Variants in SLC44A5 observed in about 807,000 individuals in gnomAD.
The protein encoded by SLC44A5 is solute carrier family 44 member 5, also known as choline transporter-like protein 5.
A neutral mutation model predicts 101.8 loss-of-function variants in SLC44A5; 57 were observed. The observed-to-expected ratio is 0.56, with a 90% CI of 0.45 to 0.70. The LOEUF (loss-of-function observed/expected upper bound fraction) is 0.70. SLC44A5 is among the 30% of genes least tolerant of loss of function. SLC44A5 has a pLI of 0.00. For synonymous variants in SLC44A5, 281 were observed against 290.9 expected (o/e 0.97, Z 0.35); for missense variants, 737 against 853.1 (o/e 0.86, Z 1.70).
chr1:75,540,660 A>G (rs1376206523), intron 2 of SLC44A5, among the ~76,000 whole-genome samples: 1 of 152,178 alleles, frequency 6.6e-6, no homozygotes, highest in African/African-American at 2.4e-5. Flanking sequence ...ACTTTAAGCT[A>G]TACATTCTGT....
intron 1 of SLC44A5, among the ~76,000 whole-genome samples, chr1:75,587,284 C>T (rs566693618): frequency 2.0e-5 from 3 of 152,176 alleles, no homozygotes; most frequent in African/African-American, 7.2e-5. Flanking sequence ...CAAAATTTGG[C>T]CTTAAATAAA....
intron 2 of SLC44A5, among the ~76,000 whole-genome samples, chr1:75,451,807 A>T (rs6673819): frequency 0.24 from 36,248 of 151,878 alleles, 4,453 homozygotes; most frequent in African/African-American, 0.28. Context: ...AAATTTTTTT[A>T]AAAAAAATTT....
the SLC44A5 span, among the ~76,000 whole-genome samples, chr1:75,617,207 G>A: frequency 6.6e-6 from 1 of 152,064 alleles, no homozygotes; most frequent in Non-Finnish European, 1.5e-5. Context: ...GATTGCCGCC[G>A]AAACGCACTT....
chr1:75,424,132 G>A (rs1052628297), intron 2 of SLC44A5, among the ~76,000 whole-genome samples: 4 of 152,132 alleles, frequency 2.6e-5, no homozygotes, highest in Non-Finnish European at 4.4e-5. Flanking sequence ...AGCCTGCAGA[G>A]GCTTTTGTTT....
At chr1:75,415,455 A>G (rs1663579136) in intron 2 of SLC44A5, among the ~76,000 whole-genome samples, 1 of 152,190 alleles carries the variant, frequency 6.6e-6, no homozygotes, top group Admixed American at 6.5e-5. Context: ...TCAAACCTCC[A>G]TGTTTTGTAA....
intron 2 of SLC44A5, among the ~76,000 whole-genome samples, chr1:75,433,955 A>T (rs1035904733): frequency 6.6e-6 from 1 of 152,098 alleles, no homozygotes; most frequent in Non-Finnish European, 1.5e-5. Context: ...ATCAGCTCTC[A>T]TGAGACTTAT....
the SLC44A5 span, chr1:75,709,859 C>T: frequency 6.6e-6 from 1 of 152,106 alleles, no homozygotes; most frequent in Admixed American, 6.5e-5. Flanking sequence ...TTGTAATACT[C>T]ATAAACTAGA....
At chr1:75,526,684 C>G (rs1029441475) in intron 2 of SLC44A5, among the ~76,000 whole-genome samples, 2 of 152,234 alleles carry the variant, frequency 1.3e-5, no homozygotes, top group Non-Finnish European at 2.9e-5. Flanking sequence ...CCAGTTTACC[C>G]TTTCTTTGAA....
At chr1:75,272,350 G>A (rs1348085197) in intron 6 of SLC44A5, among the ~76,000 whole-genome samples, 2 of 143,272 alleles carry the variant, frequency 1.4e-5, no homozygotes, top group Non-Finnish European at 3.0e-5. Flanking sequence ...TTTTAGACTT[G>A]TAATATTTTA....
intron 2 of SLC44A5, among the ~76,000 whole-genome samples, chr1:75,482,643 C>G (rs890194111): frequency 6.6e-6 from 1 of 152,250 alleles, no homozygotes; most frequent in South Asian, 2.1e-4. Context: ...ATATCAGGAA[C>G]ATGAGTCTAA....
intron 3 of SLC44A5, among the ~76,000 whole-genome samples, chr1:75,392,182 A>T (rs938799468): frequency 6.6e-6 from 1 of 152,130 alleles, no homozygotes; most frequent in Non-Finnish European, 1.5e-5. Flanking sequence ...GACCTAATTA[A>T]ACTGAAGAGC....
the SLC44A5 span, among the ~76,000 whole-genome samples, chr1:75,643,012 T>A: frequency 6.6e-6 from 1 of 152,174 alleles, no homozygotes; most frequent in Non-Finnish European, 1.5e-5. Context: ...TGAAAAATGT[T>A]GGCATATTAT....
At chr1:75,685,577 C>G in the SLC44A5 span, among the ~76,000 whole-genome samples, 37 of 152,280 alleles carry the variant, frequency 2.4e-4, no homozygotes, top group Admixed American at 2.6e-4. Flanking sequence ...ACTTCATGGT[C>G]CATATCACTG....
At chr1:75,437,650 A>C (rs1664966632) in intron 2 of SLC44A5, among the ~76,000 whole-genome samples, 1 of 152,158 alleles carries the variant, frequency 6.6e-6, no homozygotes, top group African/African-American at 2.4e-5. Flanking sequence ...AAGGTGAAGA[A>C]GGGCCTATGG....
upstream of SLC44A5, among the ~76,000 whole-genome samples, chr1:75,612,340 C>T (rs1265011802): frequency 6.6e-6 from 1 of 152,124 alleles, no homozygotes; most frequent in African/African-American, 2.4e-5. Context: ...ACCAAAAAGG[C>T]CTGGCTTCTC....
chr1:75,652,347 G>A, the SLC44A5 span, among the ~76,000 whole-genome samples: 2,928 of 152,166 alleles, frequency 0.019, 45 homozygotes, highest in Non-Finnish European at 0.025. Flanking sequence ...ATAAACTTTC[G>A]CTTCTGCTCT....
chr1:75,482,274 G>A (rs574310627), intron 2 of SLC44A5, among the ~76,000 whole-genome samples: 64 of 151,456 alleles, frequency 4.2e-4, no homozygotes, highest in African/African-American at 1.4e-3. Context: ...CTGTTGTGGG[G>A]TGGGGGGACG....
At chr1:75,314,303 G>A (rs1249667) in intron 4 of SLC44A5, among the ~76,000 whole-genome samples, 22,071 of 152,012 alleles carry the variant, frequency 0.15, 2,856 homozygotes, top group African/African-American at 0.35. Flanking sequence ...GCCTGGTCCC[G>A]GTACGGTAAC....
the SLC44A5 span, among the ~76,000 whole-genome samples, chr1:75,625,364 G>T: frequency 6.6e-6 from 1 of 152,008 alleles, no homozygotes; most frequent in Admixed American, 6.6e-5. Flanking sequence ...AAGAAAATTG[G>T]CCTTGCAATT....
Sources: allele counts gnomAD v4.1 joint callset (sites outside exome capture counted in the v4.1 genomes callset), GRCh38; gene constraint gnomAD v4.1.1; transcripts MANE v1.5; gene names NCBI Gene and HGNC (gene_info 2026-07-23, HGNC 2026-07-21).